Variants in MEIS2 observed in about 807,000 individuals in gnomAD.
MEIS2 encodes the protein Meis homeobox 2, also known as homeobox protein Meis2.
MEIS2 carries 9 observed loss-of-function variants against 58.6 expected under a neutral mutation model. The ratio of observed to expected loss-of-function variants is 0.15; its 90% confidence interval spans 0.09 to 0.27. MEIS2 has a LOEUF of 0.27. Ranked by LOEUF, MEIS2 falls within the 10% of genes least tolerant of loss-of-function variation. The probability of loss-of-function intolerance (pLI) is 1.00; values close to 1 mark genes in which losing one functional copy is unlikely to be tolerated. For synonymous variants in MEIS2, 221 were observed against 228.4 expected (o/e 0.97, Z 0.29); for missense variants, 427 against 635.0 (o/e 0.67, Z 3.52).
chr15:36,991,726 C>T (rs2060283238), intron 8 of MEIS2, among the ~76,000 whole-genome samples: 1 of 135,820 alleles, frequency 7.4e-6, no homozygotes, highest in African/African-American at 2.8e-5. Context: ...AGGCTACACT[C>T]TTTAATCTAA....
At chr15:36,956,444 T>C (rs957124533) in intron 8 of MEIS2, among the ~76,000 whole-genome samples, 19 of 152,308 alleles carry the variant, frequency 1.2e-4, no homozygotes, top group Admixed American at 1.0e-3. Context: ...GCCCTGATTT[T>C]AATTTAGGGA....
chr15:36,936,438 T>C (rs2058178339), intron 9 of MEIS2, among the ~76,000 whole-genome samples: 1 of 152,060 alleles, frequency 6.6e-6, no homozygotes, highest in South Asian at 2.1e-4. Flanking sequence ...GGAGGTGCAT[T>C]TTCTTAATGG....
At chr15:36,932,846 A>G (rs2058032552) in intron 9 of MEIS2, among the ~76,000 whole-genome samples, 1 of 152,234 alleles carries the variant, frequency 6.6e-6, no homozygotes, top group Admixed American at 6.5e-5. Flanking sequence ...GGTGGCTCCG[A>G]GTAGCCAAAA....
intron 8 of MEIS2, among the ~76,000 whole-genome samples, chr15:37,003,731 C>A (rs1173686275): frequency 6.6e-6 from 1 of 152,118 alleles, no homozygotes; most frequent in Non-Finnish European, 1.5e-5. Flanking sequence ...GAAATTCTAA[C>A]CCCCAATGTG....
chr15:37,071,379 C>T (rs1212202885), intron 7 of MEIS2, among the ~76,000 whole-genome samples: 2 of 151,986 alleles, frequency 1.3e-5, no homozygotes, highest in Non-Finnish European at 2.9e-5. Context: ...GGGCTTGGGG[C>T]TTGGGGCCAG....
chr15:37,066,603 T>A (rs1474246629), intron 7 of MEIS2: 1 of 152,160 alleles, frequency 6.6e-6, no homozygotes, highest in Non-Finnish European at 1.5e-5. Context: ...AAGGTAACAC[T>A]AAATATACAG....
chr15:36,980,305 T>C (rs16964450), intron 8 of MEIS2, among the ~76,000 whole-genome samples: 10,939 of 152,196 alleles, frequency 0.072, 1,323 homozygotes, highest in African/African-American at 0.25. Context: ...TCTGAAAGAC[T>C]GCTATATTAG....
intron 8 of MEIS2, among the ~76,000 whole-genome samples, chr15:37,012,135 G>C (rs1324989941): frequency 6.6e-6 from 1 of 152,114 alleles, no homozygotes; most frequent in East Asian, 1.9e-4. Flanking sequence ...TTGCACATCA[G>C]TGGCATGTTA....
In MEIS2 at chr15:36,892,210, T is replaced by C. The variant is rs776929937; in HGVS notation, c.1397A>G (p.Asn466Ser). 7.4e-6 allele frequency: 12 copies of C among 1,614,208 alleles called. No individual in the cohort carries two copies. Among genetic ancestry groups the C allele is most frequent in the East Asian group, 2.2e-5 (1 of 44,874 alleles). The change falls in exon 12 of 12, where the codon AAT becomes AGT. Residue 466 changes from asparagine (N) to serine (S), a missense_variant. Physicochemically the swap from Asn to Ser is conservative, Grantham distance 46 (BLOSUM62 1). Around this residue, in one of 6 missense-constraint regions of MEIS2, gnomAD observed 154 missense variants for 148.1 expected, o/e 1.04. Transcript: ENST00000561208. ...SPTMLNSVDPNVGGQVMDIHA... is the reference protein window; with the variant it reads ...SPTMLNSVDPSVGGQVMDIHA... ...AATGTCCATAACCTGTCCGCCAACA[T>C]TGGGATCTACAGAATTTAACATTGT... is the stretch of plus-strand genomic sequence containing the variant.
chr15:37,065,780 G>A (rs1441064692), intron 7 of MEIS2, among the ~76,000 whole-genome samples: 9 of 152,116 alleles, frequency 5.9e-5, no homozygotes, highest in Admixed American at 1.3e-4. Context: ...AAAAACCCAC[G>A]ATATAAAATA....
intron 8 of MEIS2, among the ~76,000 whole-genome samples, chr15:37,010,497 C>T (rs2061107720): frequency 6.6e-6 from 1 of 152,162 alleles, no homozygotes; most frequent in Non-Finnish European, 1.5e-5. Context: ...ATCCTCACCC[C>T]TAAGCCTCTG....
At chr15:37,083,657 C>G in intron 7 of MEIS2, 114 bp downstream of exon 7, 1 of 685,228 alleles carries the variant, frequency 1.5e-6, no homozygotes, top group Non-Finnish European at 2.4e-6. Flanking sequence ...GCTGATTCTA[C>G]TCCCTAACCT....
At chr15:36,948,609 T>G (rs2058654315) in intron 9 of MEIS2, among the ~76,000 whole-genome samples, 1 of 151,978 alleles carries the variant, frequency 6.6e-6, no homozygotes, top group South Asian at 2.1e-4. Flanking sequence ...CAATGTTAAC[T>G]GCGTCATGGA....
chr15:37,029,598 T>C (rs1027923852), intron 8 of MEIS2, among the ~76,000 whole-genome samples: 2 of 152,030 alleles, frequency 1.3e-5, no homozygotes, highest in Non-Finnish European at 2.9e-5. Flanking sequence ...TAGCACTACA[T>C]CTCTAACCCT....
intron 9 of MEIS2, among the ~76,000 whole-genome samples, chr15:36,915,133 C>A (rs979256125): frequency 1.3e-5 from 2 of 151,632 alleles, no homozygotes; most frequent in Admixed American, 6.6e-5. Flanking sequence ...ATATACTGAG[C>A]CTAGTTTACA....
intron 8 of MEIS2, among the ~76,000 whole-genome samples, chr15:37,012,305 C>T (rs1419789926): frequency 6.6e-6 from 1 of 152,230 alleles, no homozygotes; most frequent in Non-Finnish European, 1.5e-5. Context: ...AAAACATCTC[C>T]TTGTTCCTCA....
chr15:37,064,205 A>G (rs1442754865), intron 7 of MEIS2, among the ~76,000 whole-genome samples: 1 of 152,162 alleles, frequency 6.6e-6, no homozygotes, highest in Admixed American at 6.6e-5. Context: ...TCCATACAAT[A>G]TATCAACTAA....
intron 7 of MEIS2, among the ~76,000 whole-genome samples, chr15:37,046,222 G>A (rs967600212): frequency 3.3e-5 from 5 of 152,160 alleles, no homozygotes; most frequent in Non-Finnish European, 5.9e-5. Context: ...GCAGCTCCAC[G>A]CTGGCCTGTG....
chr15:36,921,945 A>T (rs1300923308), intron 9 of MEIS2, among the ~76,000 whole-genome samples: 2 of 152,236 alleles, frequency 1.3e-5, no homozygotes, highest in African/African-American at 4.8e-5. Context: ...CTCCAAGGTC[A>T]GACATGATGA....
Sources: allele counts gnomAD v4.1 joint callset (sites outside exome capture counted in the v4.1 genomes callset), GRCh38; gene constraint gnomAD v4.1.1; regional missense constraint gnomAD v4.1.1; transcripts MANE v1.5; gene names NCBI Gene and HGNC (gene_info 2026-07-23, HGNC 2026-07-21).